Variants in GPC5 observed in about 807,000 individuals in gnomAD.
GPC5 encodes glypican 5, also known as glypican-5.
In GPC5, 47 loss-of-function variants were observed where a neutral mutation model predicts 53.9. That is an observed-to-expected ratio of 0.87 (90% CI 0.69 to 1.11). The LOEUF (loss-of-function observed/expected upper bound fraction) is 1.11. Among genes scored for constraint, GPC5 ranks in the 50% most tolerant of loss-of-function variants. The pLI, the probability that GPC5 is intolerant of heterozygous loss-of-function variation, is 0.00. For missense variants in GPC5, 748 were observed against 713.1 expected (o/e 1.05, Z -0.56); for synonymous variants, 286 against 263.3 (o/e 1.09, Z -0.84).
intron 2 of GPC5, among the ~76,000 whole-genome samples, chr13:91,497,075 T>A (rs998415601): frequency 2.0e-5 from 3 of 152,070 alleles, no homozygotes; most frequent in African/African-American, 7.2e-5. Context: ...TCTAAGTTGT[T>A]TTTTTTTAAA....
At chr13:91,784,726 G>GAAAAAAAA (rs10644468) in intron 5 of GPC5, among the ~76,000 whole-genome samples, 5,718 of 143,222 alleles carry the variant, frequency 0.04, 288 homozygotes, top group East Asian at 0.2. Context: ...CTCCATCTCA[G>GAAAAAAAA]AAAAAAAAAA....
In GPC5 at chr13:92,516,492, T is replaced by C. The variant is rs902415642; in HGVS notation, c.1562-349790T>C. Among the ~76,000 whole-genome samples, 8 of 152,244 alleles carry C rather than the reference T, an allele frequency of 5.3e-5. No homozygotes were observed. The East Asian group carries it at 5.8e-4, about 11-fold the overall frequency. On this transcript the variant is annotated intron_variant, in intron 7 of 7. Transcript: ENST00000377067. Reference sequence around the variant, plus strand: ...TGAATTCCTTTATCAGTAAATATTATTGGAAGGTGAAGAGATATTCTTTGA... The same window carrying C: ...TGAATTCCTTTATCAGTAAATATTACTGGAAGGTGAAGAGATATTCTTTGA...
At chr13:92,762,053 A>AG (rs1182212294) in intron 7 of GPC5, among the ~76,000 whole-genome samples, 2 of 152,124 alleles carry the variant, frequency 1.3e-5, no homozygotes, top group Non-Finnish European at 2.9e-5. Flanking sequence ...GAAAAAAAAA[A>AG]GAACACTAAT....
intron 3 of GPC5, among the ~76,000 whole-genome samples, chr13:91,706,091 G>A (rs570532968): frequency 4.6e-5 from 7 of 151,884 alleles, no homozygotes; most frequent in Middle Eastern, 6.8e-3. Context: ...ATGTTGGCCA[G>A]GATGGTCTTG....
At chr13:91,618,490 C>T (rs9560832) in intron 2 of GPC5, among the ~76,000 whole-genome samples, 97,334 of 151,778 alleles carry the variant, frequency 0.64, 33,814 homozygotes, top group Non-Finnish European at 0.78. Flanking sequence ...ATGATCACTA[C>T]TCTCTCTCAG....
At chr13:92,348,128 T>C (rs2043443082) in intron 7 of GPC5, among the ~76,000 whole-genome samples, 1 of 147,998 alleles carries the variant, frequency 6.8e-6, no homozygotes, top group South Asian at 2.1e-4. Context: ...TCCTTGTCTA[T>C]CAATAATTAC....
At chr13:92,236,868 C>T (rs35146109) in intron 7 of GPC5, among the ~76,000 whole-genome samples, 12,498 of 151,660 alleles carry the variant, frequency 0.082, 629 homozygotes, top group East Asian at 0.17. Context: ...TTTTGATTAC[C>T]TCTGCAATCA....
rs752130758 is a variant in GPC5, at chr13:92,708,857, C to CTTTTTT, written c.1562-157387_1562-157382dup. The stretch of plus-strand genomic sequence containing the variant: ...CTAGCAGCATCTAGCTGGAAACCGC[C>CTTTTTT]TTTTTTTTTTTTTTTTTTTTTTTTT... On this transcript the variant is annotated intron_variant, in intron 7 of 7. Transcript: ENST00000377067. Among the ~76,000 whole-genome samples the CTTTTTT allele has an allele frequency of 3.5e-3, 171 of 48,184 alleles. 60 individuals carry two copies. Among genetic ancestry groups the CTTTTTT allele is most frequent in the Non-Finnish European group, 4.3e-3 (105 of 24,286 alleles). 31.6% of individuals were successfully genotyped at this position (48,184 alleles called of 152,430 possible). A position where few individuals can be genotyped will look rare whatever the true frequency, so the allele number is the denominator to read the frequency against.
In GPC5 at chr13:92,231,881, G is replaced by A. The variant is rs7981749; in HGVS notation, c.1561+86892G>A. Among the ~76,000 whole-genome samples, 75 of 152,232 alleles carry A rather than the reference G, an allele frequency of 4.9e-4. 1 individual carries two copies. The East Asian group carries it at 0.01, about 21-fold the overall frequency. On this transcript the variant is annotated intron_variant, in intron 7 of 7. Coordinates refer to ENST00000377067, the MANE Select transcript of GPC5 (RefSeq NM_004466.6). Reference sequence around the variant, plus strand: ...CTCGGGAGGCTGAGGCAGGAGAATCGCTTGAAACCGGAAGGTGGAGGTTGC... The same window carrying A: ...CTCGGGAGGCTGAGGCAGGAGAATCACTTGAAACCGGAAGGTGGAGGTTGC...
intron 6 of GPC5, among the ~76,000 whole-genome samples, chr13:92,082,047 T>C (rs1279475483): frequency 1.3e-5 from 2 of 152,172 alleles, no homozygotes; most frequent in Admixed American, 6.5e-5. Context: ...GTAGTAATTA[T>C]AGTGTTAAGA....
intron 7 of GPC5, among the ~76,000 whole-genome samples, chr13:92,291,913 A>T (rs1257365419): frequency 6.6e-6 from 1 of 152,190 alleles, no homozygotes; most frequent in Non-Finnish European, 1.5e-5. Flanking sequence ...CACCAGGAGG[A>T]AGAAACTCTG....
At position 91,445,524 on chromosome 13, in the gene GPC5, G is replaced by A. The variant is rs115913086; in HGVS notation, c.164-3237G>A. Among the ~76,000 whole-genome samples, 401 of 152,264 alleles carry A rather than the reference G, an allele frequency of 2.6e-3. 1 individual carries two copies. The highest frequency in any genetic ancestry group is 9.1e-3 in the African/African-American group (377 of 41,554). ...GAATCTTGCTCTGTCCCCCAGACTCGAGGGCAGTGGCACGATCTCGGCTCA... is the reference window on the plus strand; with the variant it reads ...GAATCTTGCTCTGTCCCCCAGACTCAAGGGCAGTGGCACGATCTCGGCTCA... On this transcript the variant is annotated intron_variant, in intron 1 of 7. Coordinates refer to ENST00000377067, the MANE Select transcript of GPC5 (RefSeq NM_004466.6).
At chr13:92,040,961 C>T (rs904749626) in intron 6 of GPC5, among the ~76,000 whole-genome samples, 2 of 152,202 alleles carry the variant, frequency 1.3e-5, no homozygotes, top group East Asian at 1.9e-4. Flanking sequence ...AGCAATTCTC[C>T]TGCCTCAGCC....
At chr13:92,176,553 G>A (rs2042110235) in intron 7 of GPC5, among the ~76,000 whole-genome samples, 1 of 152,128 alleles carries the variant, frequency 6.6e-6, no homozygotes, top group African/African-American at 2.4e-5. Flanking sequence ...AAAAATAAAT[G>A]AAGGGTTTGA....
At chr13:92,086,493 A>G (rs1373155402) in intron 6 of GPC5, among the ~76,000 whole-genome samples, 1 of 152,182 alleles carries the variant, frequency 6.6e-6, no homozygotes, top group Non-Finnish European at 1.5e-5. Flanking sequence ...TTCACATTGT[A>G]TTTTTGAATT....
intron 2 of GPC5, among the ~76,000 whole-genome samples, chr13:91,566,812 G>T (rs2031552280): frequency 6.6e-6 from 1 of 151,774 alleles, no homozygotes; most frequent in African/African-American, 2.4e-5. Context: ...TTTTCAAAAG[G>T]GATTTAAGAG....
intron 6 of GPC5, among the ~76,000 whole-genome samples, chr13:91,974,935 G>T (rs1174058744): frequency 6.6e-6 from 1 of 152,086 alleles, no homozygotes; most frequent in Non-Finnish European, 1.5e-5. Context: ...TAGATCAATG[G>T]AACAGAACAG....
At chr13:91,738,844 C>T (rs953498000) in intron 4 of GPC5, among the ~76,000 whole-genome samples, 5 of 151,282 alleles carry the variant, frequency 3.3e-5, no homozygotes, top group African/African-American at 1.2e-4. Flanking sequence ...CTTACTCTTA[C>T]CAATATTTTC....
chr13:92,261,508 G>GA (rs904468144), intron 7 of GPC5, among the ~76,000 whole-genome samples: 6 of 150,274 alleles, frequency 4.0e-5, no homozygotes, highest in South Asian at 2.1e-4. Context: ...ACCTTAATAG[G>GA]AAAAAAAAAT....
Sources: gnomAD v4.1 joint callset for allele counts (sites outside exome capture counted in the v4.1 genomes callset) on GRCh38, gnomAD v4.1.1 for gene constraint, MANE v1.5 for transcripts, NCBI Gene and HGNC (gene_info 2026-07-23, HGNC 2026-07-21) for gene names.